The following LMAN2 variants were observed in gnomAD, a reference collection of about 807,000 sequenced individuals.
LMAN2 encodes the protein lectin, mannose binding 2, also known as vesicular integral-membrane protein VIP36.
LMAN2 carries 22 observed loss-of-function variants against 39.3 expected under a neutral mutation model. That is an observed-to-expected ratio of 0.56 (90% CI 0.40 to 0.80). LMAN2 has a LOEUF of 0.80. Among genes scored for constraint, LMAN2 ranks in the 30% least tolerant of loss-of-function variants. The pLI is 0.00. For synonymous variants in LMAN2, 207 were observed against 207.8 expected (o/e 1.00, Z 0.03); for missense variants, 494 against 505.4 (o/e 0.98, Z 0.22).
chr5:177,350,947 G>T (rs990452288), intron 2 of LMAN2, among the ~76,000 whole-genome samples: 1 of 152,170 alleles, frequency 6.6e-6, no homozygotes, highest in Non-Finnish European at 1.5e-5. Context: ...TACTCATCTC[G>T]CATGGCTTTT....
chr5:177,335,302 C>G (rs1487276246), intron 6 of LMAN2, among the ~76,000 whole-genome samples: 1 of 152,222 alleles, frequency 6.6e-6, no homozygotes, highest in Non-Finnish European at 1.5e-5. Flanking sequence ...CTGCTTCCTG[C>G]TCGTATCTTA....
intron 2 of LMAN2, among the ~76,000 whole-genome samples, chr5:177,342,952 G>A (rs147730970): frequency 6.6e-6 from 1 of 151,954 alleles, no homozygotes; most frequent in Non-Finnish European, 1.5e-5. Context: ...TTAATATCTA[G>A]AATATATTAA....
At chr5:177,342,110 T>C (rs1761563622) in intron 2 of LMAN2, among the ~76,000 whole-genome samples, 2 of 152,146 alleles carry the variant, frequency 1.3e-5, no homozygotes, top group South Asian at 4.1e-4. Context: ...ATGGACTAAA[T>C]GCTAAATAAA....
In LMAN2 at chr5:177,351,657, C is replaced by A; in HGVS notation, c.-10G>T. 1 of 1,568,650 alleles carries A rather than the reference C, an allele frequency of 6.4e-7. No homozygotes were observed. The highest frequency in any genetic ancestry group is 8.6e-7 in the Non-Finnish European group (1 of 1,160,982). ...AGCCTTCCGCCGCCATTCTCCTCTC[C>A]TCTCGGCCACTTCCGCCCTAGAACT... is the stretch of plus-strand genomic sequence containing the variant. On this transcript the variant is annotated 5_prime_UTR_variant, in exon 1 of 8. It adds an upstream start codon to the 5' untranslated region. Transcript: ENST00000303127.
At chr5:177,335,453 T>A (rs543956268) in intron 6 of LMAN2, among the ~76,000 whole-genome samples, 2 of 152,252 alleles carry the variant, frequency 1.3e-5, no homozygotes, top group East Asian at 3.9e-4. Context: ...CAGACACGGC[T>A]CCCCTCATGG....
At chr5:177,339,168 C>G (rs1181334781) in intron 2 of LMAN2, among the ~76,000 whole-genome samples, 1 of 152,250 alleles carries the variant, frequency 6.6e-6, no homozygotes, top group Non-Finnish European at 1.5e-5. Context: ...GAGCTCTGCT[C>G]TGCCTTCAGT....
intron 2 of LMAN2, among the ~76,000 whole-genome samples, chr5:177,341,807 C>G (rs1761557987): frequency 6.6e-6 from 1 of 152,136 alleles, no homozygotes; most frequent in African/African-American, 2.4e-5. Flanking sequence ...CAAATGACAA[C>G]AATAAATGGA....
At chr5:177,351,378 AAAGG>A in intron 1 of LMAN2, 70 bp downstream of exon 1, 1 of 1,605,256 alleles carries the variant, frequency 6.2e-7, no homozygotes, top group Non-Finnish European at 8.5e-7. Context: ...TGCTCAGGAG[AAAGG>A]GCACGCCTTC....
intron 6 of LMAN2, among the ~76,000 whole-genome samples, chr5:177,336,725 G>A (rs1371933309): frequency 2.0e-5 from 3 of 152,348 alleles, no homozygotes; most frequent in East Asian, 3.9e-4. Context: ...GGTCCAGAGC[G>A]GTCTGGGCTG....
Position 177,331,926 on chromosome 5 carries a change from G to A in LMAN2, c.*160C>T. 1 of 861,202 alleles carries A rather than the reference G, an allele frequency of 1.2e-6. No individual in the cohort carries two copies. The highest frequency in any genetic ancestry group is 1.7e-6 in the Non-Finnish European group (1 of 586,288). 53.3% of individuals were successfully genotyped at this position (861,202 alleles called of 1,614,324 possible). On this transcript the variant is annotated 3_prime_UTR_variant, in exon 8 of 8. Coordinates refer to ENST00000303127, the MANE Select transcript of LMAN2 (RefSeq NM_006816.3). ...ACCCTAAGCCTCGGCTCTGCCACCTGTCCCTGCTGGGCAAGAAGCAAAATG... is the reference window on the plus strand; with the variant it reads ...ACCCTAAGCCTCGGCTCTGCCACCTATCCCTGCTGGGCAAGAAGCAAAATG...
intron 7 of LMAN2, among the ~76,000 whole-genome samples, chr5:177,334,068 T>A (rs1387211246): frequency 6.6e-6 from 1 of 152,250 alleles, no homozygotes; most frequent in African/African-American, 2.4e-5. Flanking sequence ...CTCATTCATT[T>A]ACTCAAAAAC....
rs112138003 is a variant in LMAN2 at position 177,344,208 on chromosome 5, AC to A, written c.316-5604del. On this transcript the variant is annotated intron_variant, in intron 2 of 7. Transcript: ENST00000303127. ...ACTCCAGCCTCCGTGACAAAGTGAGACCCCCCCCATCTCTAAAAAAAAAAAA... is the reference window on the plus strand; with the variant it reads ...ACTCCAGCCTCCGTGACAAAGTGAGACCCCCCCATCTCTAAAAAAAAAAAA... 6.6e-3 allele frequency among the ~76,000 whole-genome samples: 911 copies of A among 138,548 alleles called. 7 individuals carry two copies. Among genetic ancestry groups the A allele is most frequent in the African/African-American group, 0.022 (833 of 37,162 alleles). 90.9% of individuals were successfully genotyped at this position (138,548 alleles called of 152,430 possible).
At chr5:177,335,629 G>A (rs940677042) in intron 6 of LMAN2, among the ~76,000 whole-genome samples, 5 of 152,190 alleles carry the variant, frequency 3.3e-5, no homozygotes, top group Admixed American at 2.0e-4. Context: ...AGCCAGGCGC[G>A]AGCTGGAAAT....
At chr5:177,351,353 C>A in intron 1 of LMAN2, 62 bp from the exon 2 acceptor site, 1 of 1,607,924 alleles carries the variant, frequency 6.2e-7, no homozygotes, top group Non-Finnish European at 8.5e-7. Flanking sequence ...AGGCAGGAAA[C>A]CCACAGAGAT....
chr5:177,348,504 T>C (rs1001196939), intron 2 of LMAN2, among the ~76,000 whole-genome samples: 9 of 151,684 alleles, frequency 5.9e-5, no homozygotes, highest in Non-Finnish European at 1.2e-4. Context: ...CTCGCAAACA[T>C]GGCAAAACCT....
At chr5:177,336,382 CAGG>C (rs929847373) in intron 6 of LMAN2, among the ~76,000 whole-genome samples, 14 of 152,194 alleles carry the variant, frequency 9.2e-5, no homozygotes, top group African/African-American at 3.4e-4. Flanking sequence ...CGCAGAGCAG[CAGG>C]AGGCCTCACA....
At chr5:177,339,323 G>C (rs1051661073) in intron 2 of LMAN2, among the ~76,000 whole-genome samples, 5 of 152,188 alleles carry the variant, frequency 3.3e-5, no homozygotes, top group African/African-American at 9.7e-5. Context: ...TCAAGCCCAG[G>C]TCTGGCTGAC....
chr5:177,335,027 G>A (rs1761447744), intron 6 of LMAN2, among the ~76,000 whole-genome samples: 2 of 152,250 alleles, frequency 1.3e-5, no homozygotes, highest in South Asian at 2.1e-4. Flanking sequence ...CTGGCTTGAC[G>A]CTGATGGATC....
At chr5:177,351,323 G>C in intron 1 of LMAN2, 32 bp from the exon 2 acceptor site, 1 of 1,608,258 alleles carries the variant, frequency 6.2e-7, no homozygotes, top group Non-Finnish European at 8.5e-7. Context: ...AAGAGGCCAC[G>C]CCAGGACTGG....
Sources: gnomAD v4.1 joint callset for allele counts (sites outside exome capture counted in the v4.1 genomes callset) on GRCh38, gnomAD v4.1.1 for gene constraint, MANE v1.5 for transcripts, NCBI Gene and HGNC (gene_info 2026-07-23, HGNC 2026-07-21) for gene names.